NXPE1: variants seen among roughly 807,000 people sequenced by gnomAD.
NXPE1 encodes NXPE family member 1.
In NXPE1, 31 loss-of-function variants were observed where a neutral mutation model predicts 33.3. The observed-to-expected ratio is 0.93, with a 90% confidence interval of 0.70 to 1.26. The LOEUF (loss-of-function observed/expected upper bound fraction) is 1.26. Among genes scored for constraint, NXPE1 ranks in the 50% most tolerant of loss-of-function variants. The probability of loss-of-function intolerance (pLI) is 0.00; values close to 1 mark genes in which losing one functional copy is unlikely to be tolerated. For synonymous variants in NXPE1, 229 were observed against 231.4 expected (o/e 0.99, Z 0.09); for missense variants, 661 against 655.6 (o/e 1.01, Z -0.09).
intron 5 of NXPE1, among the ~76,000 whole-genome samples, chr11:114,541,155 C>CA (rs758639818): frequency 6.6e-6 from 1 of 152,112 alleles, no homozygotes; most frequent in South Asian, 2.1e-4. Flanking sequence ...CCTGCCATAG[C>CA]AAAAACATCG....
intron 1 of NXPE1, among the ~76,000 whole-genome samples, chr11:114,558,245 A>G (rs1169365228): frequency 2.0e-5 from 3 of 151,976 alleles, no homozygotes; most frequent in African/African-American, 7.2e-5. Flanking sequence ...TGCACATTCT[A>G]TATGTTTTTC....
downstream of NXPE1, among the ~76,000 whole-genome samples, chr11:114,520,337 G>T (rs746467288): frequency 6.6e-6 from 1 of 152,048 alleles, no homozygotes; most frequent in Non-Finnish European, 1.5e-5. Context: ...ATATATAAGT[G>T]AGATCAAGCA....
chr11:114,539,287 G>A (rs2135034998), intron 5 of NXPE1, among the ~76,000 whole-genome samples: 1 of 145,232 alleles, frequency 6.9e-6, no homozygotes, highest in Admixed American at 6.9e-5. Flanking sequence ...CTGTTGTGTG[G>A]TCTGGGGAGG....
chr11:114,549,900 A>G (rs1439077814), intron 5 of NXPE1, among the ~76,000 whole-genome samples: 1 of 152,068 alleles, frequency 6.6e-6, no homozygotes, highest in Non-Finnish European at 1.5e-5. Flanking sequence ...TAATATATAA[A>G]AAAATAGCTT....
intron 7 of NXPE1, chr11:114,527,138 T>TAG (rs1158413254): frequency 6.6e-6 from 1 of 152,444 alleles, no homozygotes; most frequent in Non-Finnish European, 1.5e-5. Flanking sequence ...GATCCTTTTG[T>TAG]AGTTCAGAAT....
rs541197888 is a variant in NXPE1 at position 114,523,194 on chromosome 11, A to G, written c.896-103T>C. On this transcript the variant is annotated intron_variant, in intron 7 of 8. Transcript: ENST00000534921. Reference sequence around the variant, plus strand: ...CTTGCTCTCTTTCCCCCTTCCTGTAATGCCTATTTCCTTTTTCTGTCCCTT... The same window carrying G: ...CTTGCTCTCTTTCCCCCTTCCTGTAGTGCCTATTTCCTTTTTCTGTCCCTT... 2.6e-4 allele frequency: 200 copies of G among 783,222 alleles called. 7 individuals carry two copies. In the Middle Eastern group the frequency reaches 3.2e-3, roughly 13 times the overall value. 48.5% of individuals were successfully genotyped at this position (783,222 alleles called of 1,614,324 possible).
rs143065232 is a variant in NXPE1, at chr11:114,541,407, G to T, written c.99+9696C>A. ...TATGTTGTAATGAATGGAAAGATAA[G>T]AAATCTCAGCAAGGATGGAGAAATA... On this transcript the variant is annotated intron_variant, in intron 5 of 8. Coordinates refer to ENST00000534921, the Ensembl canonical transcript of NXPE1. Among the ~76,000 whole-genome samples, 457 of 152,292 alleles carry T rather than the reference G, an allele frequency of 3.0e-3. 1 individual carries two copies. The highest frequency in any genetic ancestry group is 0.01 in the African/African-American group (435 of 41,558).
At chr11:114,527,519 G>GA (rs34574667) in intron 7 of NXPE1, among the ~76,000 whole-genome samples, 2 of 152,122 alleles carry the variant, frequency 1.3e-5, no homozygotes, top group Non-Finnish European at 2.9e-5. Context: ...AACCAAAACC[G>GA]AAAGTGTTCC....
At chr11:114,523,886 T>G (rs1947289836) in intron 7 of NXPE1, among the ~76,000 whole-genome samples, 1 of 152,204 alleles carries the variant, frequency 6.6e-6, no homozygotes, top group Non-Finnish European at 1.5e-5. Flanking sequence ...ACGTTCTGTA[T>G]GAGATAGGAA....
At chr11:114,522,532 A>G (rs1382571567) in intron 8 of NXPE1, 29 bp from the exon 9 acceptor site, 1 of 1,495,780 alleles carries the variant, frequency 6.7e-7, no homozygotes, top group Non-Finnish European at 9.1e-7. Context: ...GATGTTTTAA[A>G]TAGAAGATAA....
At chr11:114,532,141 A>G (rs1947608043) in intron 5 of NXPE1, among the ~76,000 whole-genome samples, 1 of 152,242 alleles carries the variant, frequency 6.6e-6, no homozygotes, top group East Asian at 1.9e-4. Context: ...GCACCCCAGC[A>G]TTGGGCAATA....
exon 7 of NXPE1, chr11:114,527,872 T>A (rs931967801): frequency 6.2e-7 from 1 of 1,606,698 alleles, no homozygotes; most frequent in Non-Finnish European, 8.5e-7. Flanking sequence ...GTGTTTACGA[T>A]CCTTCATCAT....
rs1013985026 is a variant in NXPE1, at chr11:114,536,118, A to G, written c.100-5210T>C. 3.3e-5 allele frequency among the ~76,000 whole-genome samples: 5 copies of G among 152,148 alleles called. No individual in the cohort carries two copies. In the South Asian group the frequency reaches 8.4e-4, roughly 26 times the overall value. On this transcript the variant is annotated intron_variant, in intron 5 of 8. Coordinates refer to ENST00000534921, the Ensembl canonical transcript of NXPE1. Reference sequence around the variant, plus strand: ...CAGTGCAATCAAACTAGAACTCAGGATTAAGAAACTCACTCAAAACCCCTC... The same window carrying G: ...CAGTGCAATCAAACTAGAACTCAGGGTTAAGAAACTCACTCAAAACCCCTC...
chr11:114,555,795 G>T (rs1010397865), intron 1 of NXPE1, among the ~76,000 whole-genome samples: 1 of 152,162 alleles, frequency 6.6e-6, no homozygotes, highest in Non-Finnish European at 1.5e-5. Flanking sequence ...ACTCTTTTGT[G>T]TCTGGCTTCT....
chr11:114,533,490 C>T (rs145321286), intron 5 of NXPE1, among the ~76,000 whole-genome samples: 2,950 of 152,276 alleles, frequency 0.019, 93 homozygotes, highest in African/African-American at 0.066. Context: ...GGCGAGGCAT[C>T]GCCTCACCCG....
chr11:114,543,005 A>G (rs1948153867), intron 5 of NXPE1, among the ~76,000 whole-genome samples: 1 of 152,210 alleles, frequency 6.6e-6, no homozygotes, highest in South Asian at 2.1e-4. Flanking sequence ...CTATAATCCC[A>G]GCACTTTGGG....
At chr11:114,538,866 G>A (rs1235664951) in intron 5 of NXPE1, among the ~76,000 whole-genome samples, 3 of 152,098 alleles carry the variant, frequency 2.0e-5, no homozygotes, top group Non-Finnish European at 1.5e-5. Context: ...CATTGTGGAA[G>A]TCAGTGTGGT....
intron 6 of NXPE1, 128 bp from the exon 7 acceptor site, chr11:114,528,029 A>G (rs772926845): frequency 1.6e-6 from 1 of 614,908 alleles, no homozygotes; most frequent in African/African-American, 1.9e-5. Context: ...ATTGTTGTAA[A>G]TTTTAGATAT....
intron 5 of NXPE1, among the ~76,000 whole-genome samples, chr11:114,545,685 G>C (rs1413665764): frequency 4.0e-5 from 6 of 151,502 alleles, no homozygotes; most frequent in Admixed American, 3.9e-4. Context: ...AACACAAAGA[G>C]TGGATCTTTT....
Sources: allele counts gnomAD v4.1 joint callset (sites outside exome capture counted in the v4.1 genomes callset), GRCh38; gene constraint gnomAD v4.1.1; transcripts MANE v1.5; gene names NCBI Gene and HGNC (gene_info 2026-07-23, HGNC 2026-07-21).